CDC123: variants seen among roughly 807,000 people sequenced by gnomAD.
The protein encoded by CDC123 is translation initiation factor eIF2 assembly protein.
A neutral mutation model predicts 54.4 loss-of-function variants in CDC123; 37 were observed. The ratio of observed to expected loss-of-function variants is 0.68; its 90% confidence interval spans 0.52 to 0.89. The LOEUF is 0.89. Among genes scored for constraint, CDC123 ranks in the 40% least tolerant of loss-of-function variants. The pLI, the probability that CDC123 is intolerant of heterozygous loss-of-function variation, is 0.00. For missense variants in CDC123, 361 were observed against 412.1 expected (o/e 0.88, Z 1.07); for synonymous variants, 144 against 136.8 (o/e 1.05, Z -0.37).
intron 6 of CDC123, among the ~76,000 whole-genome samples, chr10:12,219,830 G>A (rs1167093089): frequency 6.6e-6 from 1 of 152,006 alleles, no homozygotes; most frequent in East Asian, 1.9e-4. Context: ...GATTACAGGC[G>A]CATGGCTACC....
chr10:12,204,098 A>AAT (rs1835481866), intron 2 of CDC123, among the ~76,000 whole-genome samples: 1 of 151,612 alleles, frequency 6.6e-6, no homozygotes, highest in South Asian at 2.1e-4. Context: ...GTCTCAAAAA[A>AAT]AAAAAAAAAA....
chr10:12,234,499 G>A (rs751185309), intron 7 of CDC123, among the ~76,000 whole-genome samples: 1 of 152,224 alleles, frequency 6.6e-6, no homozygotes, highest in African/African-American at 2.4e-5. Flanking sequence ...GGTTATAGGC[G>A]TGAGCCTCCG....
intron 2 of CDC123, among the ~76,000 whole-genome samples, chr10:12,199,150 T>C (rs1242361201): frequency 6.6e-6 from 1 of 152,210 alleles, no homozygotes; most frequent in Non-Finnish European, 1.5e-5. Flanking sequence ...ATCTAATTCC[T>C]CAACATTTTC....
intron 5 of CDC123, among the ~76,000 whole-genome samples, chr10:12,217,055 C>T (rs1000094391): frequency 2.0e-5 from 3 of 152,194 alleles, no homozygotes; most frequent in South Asian, 2.1e-4. Context: ...GCCAAAATGT[C>T]GATGTTTCTG....
At chr10:12,197,443 C>T (rs1362154822) in intron 1 of CDC123, among the ~76,000 whole-genome samples, 6 of 150,700 alleles carry the variant, frequency 4.0e-5, no homozygotes, top group African/African-American at 1.5e-4. Flanking sequence ...TGGCAGCGAT[C>T]TTGGCTCACT....
At chr10:12,241,025 G>T (rs1047323896) in intron 10 of CDC123, among the ~76,000 whole-genome samples, 3 of 152,150 alleles carry the variant, frequency 2.0e-5, no homozygotes, top group Admixed American at 2.0e-4. Flanking sequence ...CACCTGACCA[G>T]ATCCCCCCAG....
chr10:12,208,768 G>A (rs961807478), intron 2 of CDC123, among the ~76,000 whole-genome samples: 1 of 152,160 alleles, frequency 6.6e-6, no homozygotes, highest in East Asian at 1.9e-4. Flanking sequence ...TATCTGCCTT[G>A]TCTTTTTGCT....
chr10:12,215,945 A>G (rs1835656712), intron 5 of CDC123, 110 bp downstream of exon 5: 3 of 598,574 alleles, frequency 5.0e-6, no homozygotes, highest in Non-Finnish European at 8.3e-6. Context: ...TCTAGGAAAA[A>G]TACTGTGGAA....
intron 10 of CDC123, among the ~76,000 whole-genome samples, chr10:12,240,867 C>G (rs1836048772): frequency 6.6e-6 from 1 of 152,194 alleles, no homozygotes; most frequent in South Asian, 2.1e-4. Flanking sequence ...TGTGTCTGGT[C>G]TTCTGCAGTC....
intron 10 of CDC123, 47 bp downstream of exon 10, chr10:12,238,532 T>C: frequency 6.3e-7 from 1 of 1,593,656 alleles, no homozygotes; most frequent in Non-Finnish European, 8.5e-7. Context: ...GAGCTGGTTT[T>C]ATAAGCAGGC....
At chr10:12,203,720 G>A (rs1428286683) in intron 2 of CDC123, among the ~76,000 whole-genome samples, 6 of 152,136 alleles carry the variant, frequency 3.9e-5, no homozygotes, top group Non-Finnish European at 7.4e-5. Flanking sequence ...GCATCCTACC[G>A]TAGGAGTCTA....
chr10:12,206,193 A>G (rs1478307307), intron 2 of CDC123, among the ~76,000 whole-genome samples: 2 of 152,248 alleles, frequency 1.3e-5, no homozygotes, highest in African/African-American at 4.8e-5. Context: ...GAAGAACTAT[A>G]TGAATACCTT....
intron 6 of CDC123, among the ~76,000 whole-genome samples, chr10:12,222,211 G>A (rs1262107646): frequency 2.0e-5 from 3 of 152,370 alleles, no homozygotes; most frequent in East Asian, 3.9e-4. Context: ...ATCCTGGAGG[G>A]TAGACAGCTA....
chr10:12,239,163 AT>A (rs879369328), intron 10 of CDC123, among the ~76,000 whole-genome samples: 57 of 146,030 alleles, frequency 3.9e-4, no homozygotes, highest in East Asian at 4.0e-4. Context: ...CCCTCCTCAA[AT>A]TTTTTTTTTT....
intron 6 of CDC123, among the ~76,000 whole-genome samples, chr10:12,218,163 G>T (rs1835686410): frequency 6.6e-6 from 1 of 151,116 alleles, no homozygotes. Flanking sequence ...TCTATCTATA[G>T]ATAAATATAA....
chr10:12,238,402 A>G, intron 9 of CDC123, 55 bp from the exon 10 acceptor site: 1 of 1,566,982 alleles, frequency 6.4e-7, no homozygotes, highest in Non-Finnish European at 8.7e-7. Flanking sequence ...TCAAAAGGAG[A>G]TTTACATTGT....
intron 4 of CDC123, among the ~76,000 whole-genome samples, chr10:12,211,123 A>C (rs1835593142): frequency 6.6e-6 from 1 of 152,202 alleles, no homozygotes; most frequent in South Asian, 2.1e-4. Context: ...ACAGTGTTTC[A>C]GGATAAGAGT....
In CDC123 at chr10:12,250,522, C is replaced by T. The variant is rs1564262691; in HGVS notation, c.*185C>T. The T allele has an allele frequency of 8.9e-6, 6 of 672,512 alleles. No individual in the cohort carries two copies. The highest frequency in any genetic ancestry group is 1.7e-5 in the Non-Finnish European group (6 of 363,018). 41.7% of individuals were successfully genotyped at this position (672,512 alleles called of 1,614,324 possible). On this transcript the variant is annotated 3_prime_UTR_variant, in exon 13 of 13. Coordinates refer to ENST00000281141, the MANE Select transcript of CDC123 (RefSeq NM_006023.3). ...GGGACTTTGCTACTTGTAAAAATAA[C>T]ATAATAAATAGATCTTAAACATAGG...
intron 3 of CDC123, 85 bp from the exon 4 acceptor site, chr10:12,210,205 A>G (rs1283631443): frequency 2.0e-6 from 3 of 1,535,824 alleles, no homozygotes; most frequent in African/African-American, 2.8e-5. Flanking sequence ...TGTTTGATTT[A>G]TAATTTTTAG....
Sources: allele counts gnomAD v4.1 joint callset (sites outside exome capture counted in the v4.1 genomes callset), GRCh38; gene constraint gnomAD v4.1.1; transcripts MANE v1.5; gene names NCBI Gene and HGNC (gene_info 2026-07-23, HGNC 2026-07-21).